The following SETBP1 variants were observed in gnomAD, a reference collection of about 807,000 sequenced individuals.
SETBP1 encodes SET-binding protein.
In SETBP1, 9 loss-of-function variants were observed where a neutral mutation model predicts 101.0. The observed-to-expected ratio is 0.09, with a 90% CI of 0.05 to 0.16. The LOEUF is 0.16. Among genes scored for constraint, SETBP1 ranks in the 10% least tolerant of loss-of-function variants. The probability of loss-of-function intolerance (pLI) is 1.00; values close to 1 mark genes in which losing one functional copy is unlikely to be tolerated. For synonymous variants in SETBP1, 818 were observed against 788.5 expected (o/e 1.04, Z -0.63); for missense variants, 1,858 against 2,033.8 (o/e 0.91, Z 1.66).
At chr18:44,876,147 G>A (rs1021980859) in intron 3 of SETBP1, among the ~76,000 whole-genome samples, 1 of 152,196 alleles carries the variant, frequency 6.6e-6, no homozygotes, top group African/African-American at 2.4e-5. Flanking sequence ...CTCAAAGGGA[G>A]AATCATAGTG....
At chr18:44,830,026 A>G (rs139470652) in intron 2 of SETBP1, among the ~76,000 whole-genome samples, 21 of 152,370 alleles carry the variant, frequency 1.4e-4, no homozygotes, top group African/African-American at 4.3e-4. Context: ...AATGGTTTAC[A>G]CAGAGGCACT....
At chr18:44,727,186 C>CTGTGTGTGTG (rs56695366) in intron 2 of SETBP1, among the ~76,000 whole-genome samples, 15,325 of 145,092 alleles carry the variant, frequency 0.11, 902 homozygotes, top group Middle Eastern at 0.15. Flanking sequence ...TATTTGATCA[C>CTGTGTGTGTG]TGTGTGTGTG....
intron 4 of SETBP1, among the ~76,000 whole-genome samples, chr18:44,956,722 G>T (rs1211111074): frequency 6.6e-6 from 1 of 152,192 alleles, no homozygotes; most frequent in African/African-American, 2.4e-5. Flanking sequence ...GCTGATGAAA[G>T]ATACCATCTA....
rs2071359270 is a variant in SETBP1, at chr18:44,790,950, A to G, written c.487-78280A>G. ...TCTATTTAAAAAAATTATTAAAAAT[A>G]TGCTTTTTTCAGAAATGCTAATTGA... On this transcript the variant is annotated intron_variant, in intron 2 of 5. Coordinates refer to ENST00000649279, the MANE Select transcript of SETBP1 (RefSeq NM_015559.3). Among the ~76,000 whole-genome samples, 3 of 152,220 alleles carry G rather than the reference A, an allele frequency of 2.0e-5. No homozygotes were observed. The South Asian group carries it at 6.2e-4, about 32-fold the overall frequency.
intron 2 of SETBP1, among the ~76,000 whole-genome samples, chr18:44,861,229 CTTTTTTTTTT>C (rs775284488): frequency 1.2e-4 from 11 of 88,336 alleles, no homozygotes; most frequent in Non-Finnish European, 1.5e-4. Context: ...TTTTTCTTTT[CTTTTTTTTTT>C]TTTTTTTTTT....
intron 3 of SETBP1, among the ~76,000 whole-genome samples, chr18:44,880,839 C>G (rs1203814715): frequency 6.6e-6 from 1 of 152,164 alleles, no homozygotes; most frequent in Non-Finnish European, 1.5e-5. Context: ...AAACACCTCC[C>G]ACAAGGCTCC....
intron 3 of SETBP1, among the ~76,000 whole-genome samples, chr18:44,900,907 G>A (rs1233450199): frequency 6.6e-6 from 1 of 152,190 alleles, no homozygotes; most frequent in Non-Finnish European, 1.5e-5. Context: ...GTGGATTTGA[G>A]TCCAAGCCTT....
intron 2 of SETBP1, among the ~76,000 whole-genome samples, chr18:44,820,048 G>A (rs1306973163): frequency 6.6e-6 from 1 of 152,244 alleles, no homozygotes; most frequent in Non-Finnish European, 1.5e-5. Flanking sequence ...TGTCCTGGCA[G>A]CTTTGGGAGA....
chr18:44,764,399 C>T (rs899926822), intron 2 of SETBP1, among the ~76,000 whole-genome samples: 2 of 152,190 alleles, frequency 1.3e-5, no homozygotes, highest in African/African-American at 4.8e-5. Context: ...TTCTAACTAC[C>T]TCTGTTGTTG....
chr18:45,063,987 G>A lies in SETBP1; in HGVS notation c.*289G>A. On this transcript the variant is annotated 3_prime_UTR_variant, in exon 6 of 6. Transcript: ENST00000649279. The stretch of plus-strand genomic sequence containing the variant: ...GCAGGCGAGCGGAAGGCCCCCAGGA[G>A]GAGCAGGCTGGTGGCACTCTCCTGA... 3.0e-6 allele frequency: 1 copy of A among 331,998 alleles called. No individual in the cohort carries two copies. The highest frequency in any genetic ancestry group is 5.6e-6 in the Non-Finnish European group (1 of 177,782). The allele number at this position is 331,998 out of a possible 1,614,324, so 20.6% of individuals were successfully genotyped here. A position where few individuals can be genotyped will look rare whatever the true frequency, so the allele number is the denominator to read the frequency against.
At chr18:44,914,067 T>C (rs1440925826) in intron 3 of SETBP1, among the ~76,000 whole-genome samples, 2 of 152,198 alleles carry the variant, frequency 1.3e-5, no homozygotes, top group Non-Finnish European at 2.9e-5. Context: ...GGCCCTAGAC[T>C]CAGTGTAGAA....
At chr18:44,726,624 A>G (rs2069712108) in intron 2 of SETBP1, among the ~76,000 whole-genome samples, 1 of 152,226 alleles carries the variant, frequency 6.6e-6, no homozygotes, top group Non-Finnish European at 1.5e-5. Context: ...TTTGCAGATT[A>G]GAAGTCATAA....
intron 4 of SETBP1, among the ~76,000 whole-genome samples, chr18:45,018,198 G>A (rs9958740): frequency 6.6e-6 from 1 of 151,990 alleles, no homozygotes; most frequent in South Asian, 2.1e-4. Context: ...TTTCTTTAAA[G>A]GGGAAATGGA....
chr18:44,950,665 C>T lies in SETBP1; in HGVS notation c.1325C>T (p.Thr442Ile). The T allele has an allele frequency of 6.2e-7, 1 of 1,614,126 alleles. No individual in the cohort carries two copies. The highest frequency in any genetic ancestry group is 8.5e-7 in the Non-Finnish European group (1 of 1,180,030). Residue 442 changes from threonine (T) to isoleucine (I), a missense_variant, in exon 4 of 6, where the codon ACC (threonine) becomes ATC (isoleucine). By Grantham distance (89) the Thr-to-Ile change is moderately conservative. Around this residue, in one of 12 missense-constraint regions of SETBP1, gnomAD observed 581 missense variants for 535.1 expected, o/e 1.09. Transcript: ENST00000649279. ...GAGAAAGCCTTGGCTTCTGGAATCA[C>T]CATGAGCAGTGAAGTAGTTAACAGG... ...MPEKALASGI[T>I]MSSEVVNRIL...
intron 2 of SETBP1, among the ~76,000 whole-genome samples, chr18:44,790,971 A>T (rs2071359822): frequency 6.6e-6 from 1 of 152,226 alleles, no homozygotes; most frequent in Non-Finnish European, 1.5e-5. Context: ...AGAAATGCTA[A>T]TTGAATACCT....
At chr18:45,004,223 C>T (rs67861241) in intron 4 of SETBP1, among the ~76,000 whole-genome samples, 7,355 of 152,302 alleles carry the variant, frequency 0.048, 207 homozygotes, top group South Asian at 0.11. Context: ...CTTCTTTGAG[C>T]ATGACTTAGT....
intron 2 of SETBP1, among the ~76,000 whole-genome samples, chr18:44,753,649 G>T (rs961389109): frequency 2.7e-4 from 41 of 152,238 alleles, no homozygotes; most frequent in Admixed American, 2.7e-3. Context: ...GACCCAGACA[G>T]AAATGCTTTA....
chr18:44,695,633 G>A (rs941540247), intron 1 of SETBP1, among the ~76,000 whole-genome samples: 21 of 152,186 alleles, frequency 1.4e-4, no homozygotes, highest in Non-Finnish European at 1.6e-4. Flanking sequence ...CCAGAGCCGA[G>A]GGAGGACTGA....
chr18:44,845,637 C>T (rs551591001), intron 2 of SETBP1, among the ~76,000 whole-genome samples: 3 of 152,204 alleles, frequency 2.0e-5, no homozygotes, highest in Admixed American at 2.0e-4. Context: ...TGCCAGGGGG[C>T]GTGATGCTCT....
Sources: gnomAD v4.1 joint callset for allele counts (sites outside exome capture counted in the v4.1 genomes callset) on GRCh38, gnomAD v4.1.1 for gene constraint, gnomAD v4.1.1 regional missense constraint, MANE v1.5 for transcripts, NCBI Gene and HGNC (gene_info 2026-07-23, HGNC 2026-07-21) for gene names.